Variants in RBMS1 observed in about 807,000 individuals in gnomAD.
The protein encoded by RBMS1 is RNA binding motif single stranded interacting protein 1.
Under a neutral mutation model 62.3 loss-of-function variants are expected in RBMS1, and 17 were observed. The observed-to-expected ratio is 0.27, with a 90% confidence interval of 0.19 to 0.41. RBMS1 has a LOEUF of 0.41. RBMS1 is among the 10% of genes least tolerant of loss of function. The probability of loss-of-function intolerance (pLI) is 1.00; values close to 1 mark genes in which losing one functional copy is unlikely to be tolerated. For synonymous variants in RBMS1, 172 were observed against 170.0 expected, an observed-to-expected ratio of 1.01 and a Z score of -0.09; for missense variants, 334 against 504.5, an observed-to-expected ratio of 0.66 and a Z score of 3.24.
intron 1 of RBMS1, among the ~76,000 whole-genome samples, chr2:160,390,516 C>A (rs1694801549): frequency 6.6e-6 from 1 of 152,034 alleles, no homozygotes; most frequent in Non-Finnish European, 1.5e-5. Context: ...CATGGTAAGA[C>A]CTTGTCACTA....
chr2:160,349,609 T>C (rs1692379079), intron 2 of RBMS1, among the ~76,000 whole-genome samples: 1 of 151,486 alleles, frequency 6.6e-6, no homozygotes, highest in Non-Finnish European at 1.5e-5. Context: ...GAGAGAAATA[T>C]GTACCCCAGG....
chr2:160,460,565 T>G (rs1209401109), intron 1 of RBMS1, among the ~76,000 whole-genome samples: 2 of 151,986 alleles, frequency 1.3e-5, no homozygotes, highest in Non-Finnish European at 2.9e-5. Context: ...GGGAAGGGAG[T>G]CCTGGCTCTG....
At chr2:160,281,427 A>G in intron 9 of RBMS1, 63 bp from the exon 10 acceptor site, 9 of 1,305,084 alleles carry the variant, frequency 6.9e-6, no homozygotes, top group Non-Finnish European at 8.7e-6. Context: ...CTATTTCTTT[A>G]GAACTCTTTT....
rs766995993 is a variant in RBMS1, at chr2:160,493,405, T to C, written c.-42A>G. The C allele has an allele frequency of 6.3e-7, 1 of 1,597,998 alleles. No homozygotes were observed. Among genetic ancestry groups the C allele is most frequent in the African/African-American group, 1.3e-5 (1 of 74,408 alleles). On this transcript the variant is annotated 5_prime_UTR_variant, in exon 1 of 14. Coordinates refer to ENST00000348849, the MANE Select transcript of RBMS1 (RefSeq NM_016836.4). ...CTGCCGTGCAGGGTCGCGGACACTT[T>C]GGGGTTTCCAAGTCTCGGGCTCTCC...
chr2:160,415,342 C>T (rs1260457469), intron 1 of RBMS1, among the ~76,000 whole-genome samples: 2 of 151,986 alleles, frequency 1.3e-5, no homozygotes, highest in African/African-American at 2.4e-5. Flanking sequence ...ATGGAAGTAA[C>T]ATAATTACCT....
At chr2:160,388,227 A>G (rs1234448691) in intron 1 of RBMS1, among the ~76,000 whole-genome samples, 6 of 152,142 alleles carry the variant, frequency 3.9e-5, no homozygotes, top group African/African-American at 1.4e-4. Flanking sequence ...TTCATTTCTC[A>G]TCACTGAAAG....
intron 2 of RBMS1, among the ~76,000 whole-genome samples, chr2:160,332,251 T>C (rs537694921): frequency 2.0e-5 from 3 of 152,150 alleles, no homozygotes; most frequent in Non-Finnish European, 4.4e-5. Flanking sequence ...GTAAATATAA[T>C]GATTACATGT....
intron 1 of RBMS1, among the ~76,000 whole-genome samples, chr2:160,403,205 GATAAC>G (rs1168746885): frequency 5.9e-5 from 9 of 152,092 alleles, no homozygotes; most frequent in Non-Finnish European, 1.2e-4. Context: ...AATACACAGA[GATAAC>G]ATAACATAAA....
chr2:160,313,880 C>G (rs905092637), intron 3 of RBMS1, among the ~76,000 whole-genome samples: 7 of 152,152 alleles, frequency 4.6e-5, no homozygotes, highest in African/African-American at 1.7e-4. Context: ...TATGTTTTGG[C>G]AGTTCATGTT....
chr2:160,305,274 A>T (rs993876857), intron 4 of RBMS1, among the ~76,000 whole-genome samples: 2 of 152,220 alleles, frequency 1.3e-5, no homozygotes, highest in African/African-American at 4.8e-5. Context: ...ACTCATCCAG[A>T]GCAACTTCCA....
At chr2:160,481,225 C>G (rs1685357061) in intron 1 of RBMS1, among the ~76,000 whole-genome samples, 1 of 151,894 alleles carries the variant, frequency 6.6e-6, no homozygotes, top group African/African-American at 2.4e-5. Context: ...CATACTGGGG[C>G]ACCGGGGGTG....
intron 1 of RBMS1, among the ~76,000 whole-genome samples, chr2:160,428,988 T>C (rs968670050): frequency 6.6e-6 from 1 of 152,218 alleles, no homozygotes; most frequent in South Asian, 2.1e-4. Context: ...TGGCTATTAG[T>C]GCTTTCCAAG....
At chr2:160,296,043 C>T (rs1263069321) in intron 6 of RBMS1, among the ~76,000 whole-genome samples, 1 of 152,176 alleles carries the variant, frequency 6.6e-6, no homozygotes, top group Non-Finnish European at 1.5e-5. Flanking sequence ...AAGGCTGACA[C>T]CGTAGGAGCA....
chr2:160,440,562 T>C (rs1024943157), intron 1 of RBMS1, among the ~76,000 whole-genome samples: 1 of 151,904 alleles, frequency 6.6e-6, no homozygotes, highest in Admixed American at 6.6e-5. Flanking sequence ...TCCCCATCTC[T>C]CCCCCACCCT....
At chr2:160,484,408 T>C (rs1173784926) in intron 1 of RBMS1, among the ~76,000 whole-genome samples, 1 of 150,250 alleles carries the variant, frequency 6.7e-6, no homozygotes, top group Non-Finnish European at 1.5e-5. Flanking sequence ...GGCAGGAGAA[T>C]GGCGTGAACC....
chr2:160,427,784 C>CTACA lies in RBMS1; in HGVS notation c.76-60397_76-60394dup, dbSNP rs140365119. Among the ~76,000 whole-genome samples the CTACA allele has an allele frequency of 9.1e-3, 1,379 of 152,272 alleles. 8 individuals are homozygous for CTACA. Among genetic ancestry groups the CTACA allele is most frequent in the Middle Eastern group, 0.051 (15 of 294 alleles). The stretch of plus-strand genomic sequence containing the variant: ...TTCATAATCACATAGTACACTCACC[C>CTACA]TACAGGATTATGTTCTAGGCAAGTT... On this transcript the variant is annotated intron_variant, in intron 1 of 13. Transcript: ENST00000348849.
chr2:160,361,066 C>T (rs920361842), intron 2 of RBMS1, among the ~76,000 whole-genome samples: 2 of 152,204 alleles, frequency 1.3e-5, no homozygotes, highest in Non-Finnish European at 2.9e-5. Flanking sequence ...ATATGTTTTA[C>T]TGCACTTGGA....
At chr2:160,411,452 G>C (rs1559521740) in intron 1 of RBMS1, among the ~76,000 whole-genome samples, 1 of 152,144 alleles carries the variant, frequency 6.6e-6, no homozygotes, top group Non-Finnish European at 1.5e-5. Flanking sequence ...ATGATGGAGG[G>C]GGCTGCAGTC....
chr2:160,287,506 C>T (rs754722322), intron 6 of RBMS1, among the ~76,000 whole-genome samples: 2 of 152,188 alleles, frequency 1.3e-5, no homozygotes, highest in Non-Finnish European at 2.9e-5. Context: ...GGACCCTTCA[C>T]TTCTCCCAGT....
Sources: allele counts gnomAD v4.1 joint callset (sites outside exome capture counted in the v4.1 genomes callset), GRCh38; gene constraint gnomAD v4.1.1; transcripts MANE v1.5; gene names NCBI Gene and HGNC (gene_info 2026-07-23, HGNC 2026-07-21).